CHD7: variants seen among roughly 807,000 people sequenced by gnomAD.
CHD7 encodes the protein chromodomain helicase DNA binding protein 7.
Under a neutral mutation model 307.3 loss-of-function variants are expected in CHD7, and 24 were observed. The ratio of observed to expected loss-of-function variants is 0.08; its 90% CI spans 0.06 to 0.11. The LOEUF is 0.11. Among genes scored for constraint, CHD7 ranks in the 10% least tolerant of loss-of-function variants. The pLI, the probability that CHD7 is intolerant of heterozygous loss-of-function variation, is 1.00. For missense variants in CHD7, 3,106 were observed against 3,727.1 expected, an observed-to-expected ratio of 0.83 and a Z score of 4.34; for synonymous variants, 1,363 against 1,349.9, an observed-to-expected ratio of 1.01 and a Z score of -0.21.
intron 37 of CHD7, 140 bp downstream of exon 37, chr8:60,862,792 A>G (rs1806062418): frequency 1.6e-6 from 1 of 612,320 alleles, no homozygotes; most frequent in African/African-American, 1.8e-5. Context: ...ATTTTCATAC[A>G]TCATTTCATA....
intron 2 of CHD7, among the ~76,000 whole-genome samples, chr8:60,770,101 C>T (rs11780594): frequency 0.046 from 7,033 of 152,324 alleles, 217 homozygotes; most frequent in East Asian, 0.12. Context: ...GAAAGCTTAA[C>T]TGCCTAACCA....
intron 2 of CHD7, among the ~76,000 whole-genome samples, chr8:60,748,109 G>A (rs1809424826): frequency 6.6e-6 from 1 of 152,180 alleles, no homozygotes; most frequent in Non-Finnish European, 1.5e-5. Flanking sequence ...ATCTTGCTGT[G>A]TGAGCAGGAA....
intron 34 of CHD7, among the ~76,000 whole-genome samples, chr8:60,859,194 G>A (rs539215023): frequency 4.3e-4 from 65 of 152,028 alleles, no homozygotes; most frequent in East Asian, 2.3e-3. Flanking sequence ...TGGTGTTGTC[G>A]GGGGTGATGT....
intron 1 of CHD7, among the ~76,000 whole-genome samples, chr8:60,728,424 G>C (rs1164735632): frequency 6.6e-6 from 1 of 152,220 alleles, no homozygotes; most frequent in Non-Finnish European, 1.5e-5. Flanking sequence ...GGAGGAAGGA[G>C]TGTTAGTGAT....
In CHD7 at chr8:60,743,222, T is replaced by A. The variant is rs1586252624; in HGVS notation, c.1665+125T>A. On this transcript the variant is annotated intron_variant, in intron 2 of 37. Transcript: ENST00000423902. ...CATTATGAGTGCCTTAATTTTTATT[T>A]GTTATTGGCTTATGCATTTATTTTA... is the stretch of plus-strand genomic sequence containing the variant. 4 of 805,324 alleles carry A rather than the reference T, an allele frequency of 5.0e-6. No individual in the cohort carries two copies. The Middle Eastern group carries it at 9.1e-4, about 184-fold the overall frequency. The allele number at this position is 805,324 out of a possible 1,614,324, so 49.9% of individuals were successfully genotyped here. A position where few individuals can be genotyped will look rare whatever the true frequency, so the allele number is the denominator to read the frequency against.
At position 60,837,675 on chromosome 8, in the gene CHD7, C is replaced by A; in HGVS notation, c.4193C>A (p.Ala1398Asp). 6.4e-7 allele frequency: 1 copy of A among 1,564,220 alleles called. No homozygotes were observed. Among genetic ancestry groups the A allele is most frequent in the East Asian group, 2.4e-5 (1 of 42,446 alleles). ...ATTTCATTTTTCTTCCAGGCTCAGGCTAGATGTCATAGAATAGGACAGAGC... is the reference window on the plus strand; with the variant it reads ...ATTTCATTTTTCTTCCAGGCTCAGGATAGATGTCATAGAATAGGACAGAGC... ...WNPQNDLQAQ[A>D]RCHRIGQSKS... Residue 1398 changes from alanine (A) to aspartate (D), a missense_variant, in exon 18 of 38, where the codon GCT (alanine) becomes GAT (aspartate). By Grantham distance (126) the Ala-to-Asp change is moderately radical (BLOSUM62 -2). Coordinates refer to ENST00000423902, the MANE Select transcript of CHD7 (RefSeq NM_017780.4).
chr8:60,730,092 G>T (rs550705532), intron 1 of CHD7, among the ~76,000 whole-genome samples: 17 of 152,226 alleles, frequency 1.1e-4, no homozygotes, highest in South Asian at 8.3e-4. Flanking sequence ...AGTAATAAAA[G>T]AATTTGTTAC....
intron 28 of CHD7, among the ~76,000 whole-genome samples, chr8:60,851,671 G>A (rs547967241): frequency 3.3e-5 from 5 of 152,160 alleles, no homozygotes; most frequent in African/African-American, 7.2e-5. Flanking sequence ...ACCTTTTACC[G>A]AATATAAAAT....
In CHD7 at chr8:60,830,310, G is replaced by T; in HGVS notation, c.3523-12G>T. ...ATCATGACACTAGTATTTACTTAAGGTCCTTTTTTAGGTGCAAAAACTTCA... is the reference window on the plus strand; with the variant it reads ...ATCATGACACTAGTATTTACTTAAGTTCCTTTTTTAGGTGCAAAAACTTCA... On this transcript the variant is annotated splice_polypyrimidine_tract_variant and intron_variant, in intron 14 of 37. Transcript: ENST00000423902. 6.2e-7 allele frequency: 1 copy of T among 1,607,256 alleles called. No individual in the cohort carries two copies. The highest frequency in any genetic ancestry group is 8.5e-7 in the Non-Finnish European group (1 of 1,177,308).
rs16926467 is a variant in CHD7 at position 60,775,146 on chromosome 8, G to T, written c.1666-5854G>T. On this transcript the variant is annotated intron_variant, in intron 2 of 37. Coordinates refer to ENST00000423902, the MANE Select transcript of CHD7 (RefSeq NM_017780.4). ...TTAAAACACAAGCAGAAAGGCAAAGGTTCAAAAACGCCTTCAGATAATTTT... is the reference window on the plus strand; with the variant it reads ...TTAAAACACAAGCAGAAAGGCAAAGTTTCAAAAACGCCTTCAGATAATTTT... 7.4e-3 allele frequency among the ~76,000 whole-genome samples: 1,121 copies of T among 151,976 alleles called. 11 individuals are homozygous for T. The highest frequency in any genetic ancestry group is 0.026 in the African/African-American group (1,057 of 41,450).
At chr8:60,685,435 T>C (rs1252301212) in intron 1 of CHD7, among the ~76,000 whole-genome samples, 1 of 152,228 alleles carries the variant, frequency 6.6e-6, no homozygotes, top group Non-Finnish European at 1.5e-5. Flanking sequence ...TGGCACATTT[T>C]GTTCTTCTGT....
At chr8:60,860,433 C>CTTTTTA (rs1805915840) in intron 34 of CHD7, among the ~76,000 whole-genome samples, 1 of 152,072 alleles carries the variant, frequency 6.6e-6, no homozygotes, top group African/African-American at 2.4e-5. Flanking sequence ...TCGTCTTCTT[C>CTTTTTA]TTTTTATTTT....
intron 1 of CHD7, among the ~76,000 whole-genome samples, chr8:60,690,085 T>A (rs1485411720): frequency 6.6e-6 from 1 of 152,190 alleles, no homozygotes; most frequent in Non-Finnish European, 1.5e-5. Flanking sequence ...CAACAGACTG[T>A]CTTCCGCAGT....
intron 1 of CHD7, among the ~76,000 whole-genome samples, chr8:60,700,868 C>T (rs545990541): frequency 1.6e-4 from 25 of 152,318 alleles, no homozygotes; most frequent in Middle Eastern, 6.8e-3. Context: ...GGCAGTGAGA[C>T]GTCAGGGGTA....
At chr8:60,700,435 ATC>A (rs1806704460) in intron 1 of CHD7, among the ~76,000 whole-genome samples, 2 of 152,192 alleles carry the variant, frequency 1.3e-5, no homozygotes, top group Admixed American at 1.3e-4. Context: ...TTTCATATAT[ATC>A]TCAGTCCAAA....
At chr8:60,738,293 G>A (rs1808808677) in intron 1 of CHD7, among the ~76,000 whole-genome samples, 1 of 152,086 alleles carries the variant, frequency 6.6e-6, no homozygotes, top group Non-Finnish European at 1.5e-5. Flanking sequence ...TTGATTACCT[G>A]TTGAAATGAC....
intron 31 of CHD7, among the ~76,000 whole-genome samples, chr8:60,853,731 A>G (rs1284175786): frequency 1.3e-5 from 2 of 152,246 alleles, no homozygotes; most frequent in African/African-American, 2.4e-5. Context: ...GCATGGACAC[A>G]TTAGCAATTT....
intron 7 of CHD7, among the ~76,000 whole-genome samples, chr8:60,814,310 C>T (rs891267752): frequency 6.6e-6 from 1 of 152,224 alleles, no homozygotes; most frequent in Admixed American, 6.5e-5. Flanking sequence ...CAGTTCAAGG[C>T]TACACAGGTG....
chr8:60,842,129 TATTTGTGTTTGA>T, intron 21 of CHD7, 77 bp downstream of exon 21: 1 of 1,232,192 alleles, frequency 8.1e-7, no homozygotes, highest in Non-Finnish European at 1.1e-6. Flanking sequence ...AGAAAAACTA[TATTTGTGTTTGA>T]ATTTGTGTGA....
Sources: gnomAD v4.1 joint callset for allele counts (sites outside exome capture counted in the v4.1 genomes callset) on GRCh38, gnomAD v4.1.1 for gene constraint, MANE v1.5 for transcripts, NCBI Gene and HGNC (gene_info 2026-07-23, HGNC 2026-07-21) for gene names.